PLEKHH2: variants seen among roughly 807,000 people sequenced by gnomAD.
PLEKHH2 encodes the protein pleckstrin homology, MyTH4 and FERM domain containing H2.
PLEKHH2 carries 129 observed loss-of-function variants against 187.9 expected under a neutral mutation model. The ratio of observed to expected loss-of-function variants is 0.69; its 90% CI spans 0.59 to 0.79. The LOEUF (loss-of-function observed/expected upper bound fraction) is 0.79. Among genes scored for constraint, PLEKHH2 ranks in the 30% least tolerant of loss-of-function variants. The pLI is 0.00. For missense variants in PLEKHH2, 2,076 were observed against 1,751.2 expected (o/e 1.19, Z -3.31); for synonymous variants, 686 against 605.6 (o/e 1.13, Z -1.95).
rs141707952 is a variant in PLEKHH2 at position 43,697,927 on chromosome 2, CTCT to C, written c.688+579_688+581del. Among the ~76,000 whole-genome samples, 1,271 of 152,174 alleles carry C rather than the reference CTCT, an allele frequency of 8.4e-3. 22 individuals carry two copies. The highest frequency in any genetic ancestry group is 0.029 in the African/African-American group (1,224 of 41,508). On this transcript the variant is annotated intron_variant, in intron 7 of 29. Transcript: ENST00000282406. ...CCCTGGTCCTGTATACAGATTTCTA[CTCT>C]TCTTCTTTTAGTCTTGAAGTGCTTC... is the stretch of plus-strand genomic sequence containing the variant.
At chr2:43,654,466 A>C (rs1355139238) in intron 2 of PLEKHH2, among the ~76,000 whole-genome samples, 2 of 150,678 alleles carry the variant, frequency 1.3e-5, no homozygotes. Context: ...AAGTGCTGGG[A>C]TTACAGGCGT....
intron 2 of PLEKHH2, among the ~76,000 whole-genome samples, chr2:43,678,392 C>G (rs1667974131): frequency 6.6e-6 from 1 of 152,134 alleles, no homozygotes. Flanking sequence ...GAGCCGAGAT[C>G]ACGCCACTGC....
chr2:43,675,279 A>G (rs1667687117), intron 2 of PLEKHH2: 1 of 700,790 alleles, frequency 1.4e-6, no homozygotes, highest in Middle Eastern at 3.3e-4. Flanking sequence ...TGAATTATTG[A>G]ATGAAGTACG....
intron 19 of PLEKHH2, 38 bp from the exon 20 acceptor site, chr2:43,738,303 C>G (rs1459186890): frequency 3.3e-6 from 5 of 1,527,746 alleles, no homozygotes; most frequent in African/African-American, 2.8e-5. Context: ...AATCTAATCA[C>G]TCCTCACCTT....
rs771090665 is a variant in PLEKHH2, at chr2:43,765,574, G to A, written c.4458G>A (p.Pro1486=). 10 of 1,613,550 alleles carry A rather than the reference G, an allele frequency of 6.2e-6. No individual in the cohort carries two copies. Among genetic ancestry groups the A allele is most frequent in the Admixed American group, 3.3e-5 (2 of 59,942 alleles). ...AGCCTCTTCTGTCAAGCAGCAGACC[G>A]ACCAAAGGCCCCACCTTACTCTGAA... is the stretch of plus-strand genomic sequence containing the variant. ...GSQPLLSSSR[P]TKGPTLL The change falls in exon 30 of 30, where the codon CCG becomes CCA. Residue 1486 remains proline (P), a synonymous_variant. Transcript: ENST00000282406.
intron 19 of PLEKHH2, among the ~76,000 whole-genome samples, chr2:43,734,790 C>T (rs771551183): frequency 3.3e-5 from 5 of 152,150 alleles, no homozygotes; most frequent in Non-Finnish European, 5.9e-5. Flanking sequence ...GAAGAGATAT[C>T]GGGATTCCTA....
chr2:43,637,639 G>C (rs957822787), intron 1 of PLEKHH2, among the ~76,000 whole-genome samples: 1 of 152,124 alleles, frequency 6.6e-6, no homozygotes, highest in Non-Finnish European at 1.5e-5. Context: ...GCGGTCCCTC[G>C]CGCCCGTGGG....
chr2:43,740,961 G>A lies in PLEKHH2; in HGVS notation c.3139G>A (p.Ala1047Thr). The A allele has an allele frequency of 1.9e-6, 3 of 1,613,790 alleles. No homozygotes were observed. Among genetic ancestry groups the A allele is most frequent in the Non-Finnish European group, 2.5e-6 (3 of 1,179,820 alleles). The stretch of plus-strand genomic sequence containing the variant: ...CCCTGCCCAGGGCTGGCAGCTCTTG[G>A]CACTCTGCGTTGGGCTCTTCCTTCC... ...PGPLQGWQLLALCVGLFLPHH... is the reference protein window; with the variant it reads ...PGPLQGWQLLTLCVGLFLPHH... Residue 1047 changes from alanine to threonine, a missense_variant, in exon 21 of 30, where the codon GCA becomes ACA. Transcript: ENST00000282406.
chr2:43,681,936 T>G lies in PLEKHH2; in HGVS notation c.186+3011T>G, dbSNP rs534216248. 4.6e-5 allele frequency among the ~76,000 whole-genome samples: 7 copies of G among 152,306 alleles called. No homozygotes were observed. In the South Asian group the frequency reaches 1.4e-3, roughly 32 times the overall value. ...TTAATTATGCTTGAAAAGGAAATCT[T>G]ACAACTTTATTAGGCAAGACTTTAA... On this transcript the variant is annotated intron_variant, in intron 3 of 29. Transcript: ENST00000282406.
chr2:43,695,338 T>A, intron 6 of PLEKHH2, 114 bp downstream of exon 6: 1 of 512,684 alleles, frequency 2.0e-6, no homozygotes, highest in Non-Finnish European at 3.3e-6. Flanking sequence ...GCTGTTGCCA[T>A]AAAATGAAAG....
chr2:43,764,182 T>G, intron 28 of PLEKHH2, 46 bp from the exon 29 acceptor site: 11 of 1,160,084 alleles, frequency 9.5e-6, no homozygotes, highest in Non-Finnish European at 1.3e-5. Flanking sequence ...CATCTCTCCT[T>G]GGAAGTAAGA....
intron 2 of PLEKHH2, among the ~76,000 whole-genome samples, chr2:43,650,789 T>G (rs12712894): frequency 0.61 from 92,439 of 151,106 alleles, 29,118 homozygotes; most frequent in African/African-American, 0.74. Flanking sequence ...GGGACTACAG[T>G]CATGCATCAC....
intron 2 of PLEKHH2, among the ~76,000 whole-genome samples, chr2:43,647,566 T>A (rs976912694): frequency 3.3e-5 from 5 of 152,164 alleles, no homozygotes; most frequent in African/African-American, 1.2e-4. Flanking sequence ...TGTGTGTATG[T>A]ATGTATGTAG....
intron 19 of PLEKHH2, among the ~76,000 whole-genome samples, chr2:43,738,086 T>G (rs959633711): frequency 1.3e-5 from 2 of 152,234 alleles, no homozygotes; most frequent in African/African-American, 4.8e-5. Context: ...AGGATTGTTA[T>G]GTCTTCTAGA....
chr2:43,700,389 C>T lies in PLEKHH2; in HGVS notation c.1431C>T (p.Ser477=). Residue 477 remains serine (S), a synonymous_variant, in exon 8 of 30, where the codon AGC becomes AGT. Transcript: ENST00000282406. The stretch of plus-strand genomic sequence containing the variant: ...TTGGTACAAATAGAAACGCTATAAG[C>T]ATGATACGACCACTGAGACCTCAGG... The part of the protein sequence containing the change: ...RMFGTNRNAI[S]MIRPLRPQET... 6.2e-7 allele frequency: 1 copy of T among 1,613,946 alleles called. No individual in the cohort carries two copies. Among genetic ancestry groups the T allele is most frequent in the Non-Finnish European group, 8.5e-7 (1 of 1,179,986 alleles).
At chr2:43,692,404 C>G in intron 3 of PLEKHH2, 110 bp from the exon 4 acceptor site, 3 of 845,120 alleles carry the variant, frequency 3.5e-6, no homozygotes, top group Non-Finnish European at 5.4e-6. Context: ...TAATATTTTC[C>G]TTTTTGAAGT....
intron 15 of PLEKHH2, among the ~76,000 whole-genome samples, chr2:43,712,945 A>T (rs1436951712): frequency 6.6e-6 from 1 of 152,222 alleles, no homozygotes; most frequent in African/African-American, 2.4e-5. Flanking sequence ...ATTGACACAG[A>T]TTAAAAAATC....
chr2:43,668,460 AT>A (rs1291496104), intron 2 of PLEKHH2, among the ~76,000 whole-genome samples: 2 of 152,202 alleles, frequency 1.3e-5, no homozygotes, highest in African/African-American at 4.8e-5. Context: ...TAGTCTCTGT[AT>A]TCATAATCAT....
At chr2:43,725,577 C>T (rs1670699605) in intron 16 of PLEKHH2, among the ~76,000 whole-genome samples, 1 of 152,200 alleles carries the variant, frequency 6.6e-6, no homozygotes, top group African/African-American at 2.4e-5. Flanking sequence ...GGAAAGTTTT[C>T]TGCTGGGGAC....
Sources: allele counts gnomAD v4.1 joint callset (sites outside exome capture counted in the v4.1 genomes callset), GRCh38; gene constraint gnomAD v4.1.1; transcripts MANE v1.5; gene names NCBI Gene and HGNC (gene_info 2026-07-23, HGNC 2026-07-21).